The following FBXL7 variants were observed in gnomAD, a reference collection of about 807,000 sequenced individuals.
FBXL7 encodes the protein F-box and leucine rich repeat protein 7.
A neutral mutation model predicts 38.3 loss-of-function variants in FBXL7; 12 were observed. The observed-to-expected ratio is 0.31, with a 90% CI of 0.20 to 0.51. FBXL7 has a LOEUF of 0.51. Among genes scored for constraint, FBXL7 ranks in the 20% least tolerant of loss-of-function variants. The probability of loss-of-function intolerance (pLI) is 0.98; values close to 1 mark genes in which losing one functional copy is unlikely to be tolerated. For synonymous variants in FBXL7, 297 were observed against 300.9 expected, an observed-to-expected ratio of 0.99 and a Z score of 0.13; for missense variants, 567 against 676.4, an observed-to-expected ratio of 0.84 and a Z score of 1.79.
At chr5:15,827,118 C>T (rs550426640) in intron 2 of FBXL7, among the ~76,000 whole-genome samples, 1 of 152,246 alleles carries the variant, frequency 6.6e-6, no homozygotes, top group Non-Finnish European at 1.5e-5. Flanking sequence ...ATCCTTATAG[C>T]CCCTTAATTT....
At chr5:15,843,111 ATC>A (rs1487033161) in intron 2 of FBXL7, among the ~76,000 whole-genome samples, 1 of 152,152 alleles carries the variant, frequency 6.6e-6, no homozygotes, top group Non-Finnish European at 1.5e-5. Flanking sequence ...GGAAATTTCT[ATC>A]TCTCTTGTTT....
intron 2 of FBXL7, among the ~76,000 whole-genome samples, chr5:15,758,107 G>C (rs1579438855): frequency 1.3e-5 from 2 of 152,114 alleles, no homozygotes; most frequent in South Asian, 4.1e-4. Flanking sequence ...CAAGTCCAGG[G>C]TGTCCCATTT....
chr5:15,914,623 A>G (rs1348875838), intron 2 of FBXL7, among the ~76,000 whole-genome samples: 1 of 152,196 alleles, frequency 6.6e-6, no homozygotes, highest in African/African-American at 2.4e-5. Flanking sequence ...AAAACAAAAG[A>G]CCTGAAAATG....
chr5:15,783,529 T>A (rs766273611), intron 2 of FBXL7, among the ~76,000 whole-genome samples: 1 of 152,060 alleles, frequency 6.6e-6, no homozygotes, highest in Non-Finnish European at 1.5e-5. Context: ...AAATGGTGCA[T>A]CAGAGCCTCA....
chr5:15,817,345 A>G (rs1406729987), intron 2 of FBXL7, among the ~76,000 whole-genome samples: 1 of 152,052 alleles, frequency 6.6e-6, no homozygotes. Context: ...TTATGTCTGA[A>G]TCACAATCCC....
chr5:15,746,572 C>A (rs186403535), intron 2 of FBXL7, among the ~76,000 whole-genome samples: 1 of 150,520 alleles, frequency 6.6e-6, no homozygotes, highest in East Asian at 2.0e-4. Context: ...GGTCGCTAAT[C>A]TCATTCATGA....
intron 2 of FBXL7, among the ~76,000 whole-genome samples, chr5:15,623,280 A>G (rs770750209): frequency 6.6e-6 from 1 of 152,214 alleles, no homozygotes; most frequent in Non-Finnish European, 1.5e-5. Context: ...AACTTTCTTC[A>G]GTAGATTAGC....
At chr5:15,717,737 C>T (rs2126648949) in intron 2 of FBXL7, among the ~76,000 whole-genome samples, 1 of 152,246 alleles carries the variant, frequency 6.6e-6, no homozygotes, top group South Asian at 2.1e-4. Context: ...GAGAATCAAA[C>T]ACACAACTTC....
intron 2 of FBXL7, among the ~76,000 whole-genome samples, chr5:15,842,323 C>T (rs182461374): frequency 8.0e-4 from 122 of 152,276 alleles, no homozygotes; most frequent in African/African-American, 2.6e-3. Flanking sequence ...GACCTATAGC[C>T]GCTTCATTTT....
chr5:15,874,247 C>G (rs1423760007), intron 2 of FBXL7, among the ~76,000 whole-genome samples: 1 of 152,122 alleles, frequency 6.6e-6, no homozygotes, highest in Non-Finnish European at 1.5e-5. Flanking sequence ...ACACAATAAA[C>G]TAGGTATTGA....
rs1315683988 is a variant in FBXL7 at position 15,928,449 on chromosome 5, C to T, written c.687C>T (p.Ala229=). 1.2e-6 allele frequency: 2 copies of T among 1,614,012 alleles called. No homozygotes were observed. Among genetic ancestry groups the T allele is most frequent in the Non-Finnish European group, 1.7e-6 (2 of 1,179,886 alleles). The change falls in exon 3 of 4, where the codon GCC becomes GCT. Residue 229 remains alanine (A), a synonymous_variant. Coordinates refer to ENST00000504595, the MANE Select transcript of FBXL7 (RefSeq NM_012304.5). This position sits in a 1 kb window ranked among gnomAD's most constrained non-coding sequence, Gnocchi z 4.0. ...VSGCYNISNE[A]VFDVVSLCPN... ...GCTGTTACAATATCTCCAACGAGGC[C>T]GTCTTTGATGTGGTGTCCCTCTGCC... is the stretch of plus-strand genomic sequence containing the variant.
At position 15,539,907 on chromosome 5, in the gene FBXL7, C is replaced by T. The variant is rs73754129; in HGVS notation, c.37+39194C>T. 8.2e-3 allele frequency among the ~76,000 whole-genome samples: 1,243 copies of T among 152,118 alleles called. 12 individuals are homozygous for T. The highest frequency in any genetic ancestry group is 0.028 in the African/African-American group (1,142 of 41,484). Reference sequence around the variant, plus strand: ...GATTTTTAGAAAATACAAAGTTGGGCGAAAACCTGCTTTCCTGGTTGTATT... The same window carrying T: ...GATTTTTAGAAAATACAAAGTTGGGTGAAAACCTGCTTTCCTGGTTGTATT... On this transcript the variant is annotated intron_variant, in intron 1 of 3. Transcript: ENST00000504595.
intron 2 of FBXL7, among the ~76,000 whole-genome samples, chr5:15,818,033 C>T (rs1477635137): frequency 6.6e-6 from 1 of 151,988 alleles, no homozygotes; most frequent in African/African-American, 2.4e-5. Flanking sequence ...TCTTCATCTC[C>T]AGTACAAGAT....
At chr5:15,608,641 C>A (rs1740113846) in intron 1 of FBXL7, among the ~76,000 whole-genome samples, 1 of 152,106 alleles carries the variant, frequency 6.6e-6, no homozygotes, top group African/African-American at 2.4e-5. Flanking sequence ...TGGGCCACAT[C>A]CAATGACTTG....
chr5:15,594,241 C>T (rs1739556515), intron 1 of FBXL7, among the ~76,000 whole-genome samples: 1 of 152,174 alleles, frequency 6.6e-6, no homozygotes. Flanking sequence ...GGAGGTTTCA[C>T]ATCTTGGTTT....
chr5:15,586,188 C>A (rs919179241), intron 1 of FBXL7, among the ~76,000 whole-genome samples: 4 of 151,966 alleles, frequency 2.6e-5, no homozygotes, highest in Non-Finnish European at 4.4e-5. Flanking sequence ...GGTTTGGGAG[C>A]CAGCGTTAGC....
intron 2 of FBXL7, among the ~76,000 whole-genome samples, chr5:15,809,487 A>G (rs1737799803): frequency 1.3e-5 from 2 of 152,190 alleles, no homozygotes; most frequent in South Asian, 2.1e-4. Flanking sequence ...AATAAATTTG[A>G]TAGGGGATAC....
At chr5:15,741,169 GATA>G in intron 2 of FBXL7, among the ~76,000 whole-genome samples, 2 of 152,242 alleles carry the variant, frequency 1.3e-5, no homozygotes, top group Middle Eastern at 6.8e-3. Flanking sequence ...ATATGTTAAT[GATA>G]ATCTTGCTTT....
chr5:15,665,337 C>T (rs1021165584), intron 2 of FBXL7, among the ~76,000 whole-genome samples: 1 of 152,218 alleles, frequency 6.6e-6, no homozygotes, highest in African/African-American at 2.4e-5. Flanking sequence ...CTAGTCCAAA[C>T]TTGGTCTTTA....
Sources: allele counts gnomAD v4.1 joint callset (sites outside exome capture counted in the v4.1 genomes callset), GRCh38; gene constraint gnomAD v4.1.1; non-coding constraint Gnocchi (gnomAD v3.1); transcripts MANE v1.5; gene names NCBI Gene and HGNC (gene_info 2026-07-23, HGNC 2026-07-21).